POTEF: variants seen among roughly 807,000 people sequenced by gnomAD.
The protein encoded by POTEF is POTE ankyrin domain family member F.
POTEF carries 20 observed loss-of-function variants against 83.2 expected under a neutral mutation model. The observed-to-expected ratio is 0.24, with a 90% CI of 0.17 to 0.35. The LOEUF (loss-of-function observed/expected upper bound fraction) is 0.35, where lower values mean the gene tolerates loss of function less well. POTEF is among the 10% of genes least tolerant of loss of function. The pLI is 1.00. For missense variants in POTEF, 550 were observed against 1,203.2 expected (o/e 0.46, Z 8.03); for synonymous variants, 196 against 446.4 (o/e 0.44, Z 7.07).
At chr2:130,102,934 T>C (rs1002125563) in intron 8 of POTEF, among the ~76,000 whole-genome samples, 8 of 151,448 alleles carry the variant, frequency 5.3e-5, no homozygotes, top group Admixed American at 1.3e-4. Context: ...GAAATCCTCC[T>C]GTTTCACCCA....
At chr2:130,125,893 C>T (rs1165409809) in intron 2 of POTEF, among the ~76,000 whole-genome samples, 1 of 149,904 alleles carries the variant, frequency 6.7e-6, no homozygotes, top group Non-Finnish European at 1.5e-5. Context: ...GGGACAAGAG[C>T]GAGACTTCAT....
chr2:130,094,832 CCT>C (rs1271572519), intron 11 of POTEF, among the ~76,000 whole-genome samples: 1 of 59,468 alleles, frequency 1.7e-5, no homozygotes. Context: ...GTTTGCAATT[CCT>C]CTGACTCAGT....
chr2:130,100,983 A>C (rs1261394601), intron 9 of POTEF, among the ~76,000 whole-genome samples: 1 of 148,744 alleles, frequency 6.7e-6, no homozygotes, highest in Non-Finnish European at 1.5e-5. Flanking sequence ...AGCCCAATGA[A>C]GAAAAAAAAC....
intron 8 of POTEF, 171 bp downstream of exon 8, chr2:130,107,838 C>G: frequency 1.6e-6 from 1 of 617,244 alleles, no homozygotes; most frequent in Non-Finnish European, 2.8e-6. Flanking sequence ...TTATATATTA[C>G]AATGTGATAA....
Position 130,127,763 on chromosome 2 carries a change from G to A in POTEF, c.-148C>T. 6.6e-6 allele frequency: 1 copy of A among 151,564 alleles called. No homozygotes were observed. Among genetic ancestry groups the A allele is most frequent in the South Asian group, 1.9e-4 (1 of 5,218 alleles). 9.4% of individuals were successfully genotyped at this position (151,564 alleles called of 1,614,324 possible). On this transcript the variant is annotated 5_prime_UTR_variant, in exon 2 of 17. Coordinates refer to ENST00000409914, the MANE Select transcript of POTEF (RefSeq NM_001099771.2). The stretch of plus-strand genomic sequence containing the variant: ...TGCCATCAGTCACACGAGGCGAGCT[G>A]CAGAGTCACGCCACATGCAGGCTCC...
chr2:130,108,228 C>T lies in POTEF; in HGVS notation c.1056-149G>A, dbSNP rs1224900196. The T allele has an allele frequency of 1.9e-5, 25 of 1,325,968 alleles. No homozygotes were observed. In the South Asian group the frequency reaches 3.4e-4, roughly 18 times the overall value. The allele number at this position is 1,325,968 out of a possible 1,614,324, so 82.1% of individuals were successfully genotyped here. ...CCCACCCACTTGTGAGTACATTCTA[C>T]AAACTTCTCTTTAAGCTTCTAATTA... On this transcript the variant is annotated intron_variant, in intron 7 of 16. Coordinates refer to ENST00000409914, the MANE Select transcript of POTEF (RefSeq NM_001099771.2).
chr2:130,119,220 G>A, intron 3 of POTEF, among the ~76,000 whole-genome samples: 1 of 150,588 alleles, frequency 6.6e-6, no homozygotes, highest in Middle Eastern at 3.4e-3. Flanking sequence ...CTGGAGTGCA[G>A]TGGCACTATC....
intron 2 of POTEF, among the ~76,000 whole-genome samples, chr2:130,121,362 T>A (rs1459131427): frequency 6.9e-6 from 1 of 145,006 alleles, no homozygotes; most frequent in Non-Finnish European, 1.5e-5. Flanking sequence ...AACTTGAGGA[T>A]GCTGACAGCC....
intron 3 of POTEF, among the ~76,000 whole-genome samples, chr2:130,116,018 G>A (rs917985612): frequency 1.3e-5 from 2 of 152,020 alleles, no homozygotes; most frequent in Admixed American, 1.3e-4. Flanking sequence ...ACATGAAGTA[G>A]AATATGTTAT....
intron 8 of POTEF, among the ~76,000 whole-genome samples, chr2:130,102,862 CCT>C (rs979253737): frequency 6.6e-6 from 1 of 151,584 alleles, no homozygotes; most frequent in African/African-American, 2.4e-5. Context: ...TAAGCCAAGC[CCT>C]GTCTTTGTTC....
rs779035947 is a variant in POTEF at position 130,075,040 on chromosome 2, T to A, written c.2432A>T (p.Asn811Ile). 1.3e-5 allele frequency: 21 copies of A among 1,613,514 alleles called. No individual in the cohort carries two copies. Among genetic ancestry groups the A allele is most frequent in the Non-Finnish European group, 1.7e-5 (20 of 1,179,926 alleles). The change falls in exon 17 of 17, where the codon AAC becomes ATC. Residue 811 changes from asparagine to isoleucine, a missense_variant. Physicochemically the swap from Asn to Ile is moderately radical, Grantham distance 149. Transcript: ENST00000409914. ...CATCTTCTCGCGGTTGGCCTTAGGG[T>A]TCAGGGTGGCCTCGGTCAGCAGGAC... ...HPVLLTEATLNPKANREKMTQ... is the reference protein window; with the variant it reads ...HPVLLTEATLIPKANREKMTQ...
intron 11 of POTEF, among the ~76,000 whole-genome samples, chr2:130,095,025 CTT>C (rs1189045004): frequency 2.1e-4 from 23 of 107,074 alleles, no homozygotes; most frequent in South Asian, 3.1e-4. Context: ...CCATGTCAAA[CTT>C]TTTTTTTTTT....
At position 130,115,141 on chromosome 2, in the gene POTEF, G is replaced by A. The variant is rs757680263; in HGVS notation, c.636+73C>T. ...CTTTCACCAACTAGTTATATTTAAA[G>A]GAGAAAACTCATTTTTATGCCATGT... On this transcript the variant is annotated intron_variant, in intron 4 of 16. Transcript: ENST00000409914. 4 of 1,611,506 alleles carry A rather than the reference G, an allele frequency of 2.5e-6. No homozygotes were observed. The Admixed American group carries it at 5.0e-5, about 20-fold the overall frequency.
chr2:130,107,513 C>A (rs969363641), intron 8 of POTEF, among the ~76,000 whole-genome samples: 2 of 151,054 alleles, frequency 1.3e-5, no homozygotes, highest in African/African-American at 5.0e-5. Flanking sequence ...ATGAACCACA[C>A]CACACAGGAG....
In POTEF at chr2:130,116,398, C is replaced by T. The variant is rs367599347; in HGVS notation, c.522-1070G>A. On this transcript the variant is annotated intron_variant, in intron 3 of 16. Transcript: ENST00000409914. ...GTGCCAGATGTGCAGGTTTGTTACA[C>T]AGGTAAACACGTGCACCAAGGGGGT... 1.6e-4 allele frequency among the ~76,000 whole-genome samples: 24 copies of T among 147,734 alleles called. 1 individual carries two copies. The highest frequency in any genetic ancestry group is 4.1e-4 in the African/African-American group (16 of 39,084).
chr2:130,102,947 T>C (rs1684414440), intron 8 of POTEF, among the ~76,000 whole-genome samples: 1 of 151,482 alleles, frequency 6.6e-6, no homozygotes, highest in Non-Finnish European at 1.5e-5. Flanking sequence ...TTCACCCACT[T>C]GGTCTCTCCT....
At position 130,115,011 on chromosome 2, in the gene POTEF, TC is replaced by T; in HGVS notation, c.679del (p.Glu227AsnfsTer27). The T allele has an allele frequency of 2.6e-6, 4 of 1,558,160 alleles. No homozygotes were observed. Among genetic ancestry groups the T allele is most frequent in the Non-Finnish European group, 2.6e-6 (3 of 1,152,900 alleles). ...QEDECALMLL[E>X]HGTDPNIPDE... The stretch of plus-strand genomic sequence containing the variant: ...TGGAATATTTGGATCAGTGCCATGT[TC>T]CAGCAACATTAACGCACATTCATCT... On this transcript the variant is annotated frameshift_variant, in exon 5 of 17. Coordinates refer to ENST00000409914, the MANE Select transcript of POTEF (RefSeq NM_001099771.2). LOFTEE classifies it high-confidence loss of function.
chr2:130,121,969 T>C (rs1685011538), intron 2 of POTEF, among the ~76,000 whole-genome samples: 1 of 151,426 alleles, frequency 6.6e-6, no homozygotes, highest in Admixed American at 6.6e-5. Context: ...CATTCTTCCT[T>C]TAAACCTCTC....
chr2:130,113,470 T>C (rs1248635055), intron 5 of POTEF, among the ~76,000 whole-genome samples: 1 of 143,516 alleles, frequency 7.0e-6, no homozygotes. Flanking sequence ...CATTTATGTA[T>C]TGAGTGGTTC....
Sources: gnomAD v4.1 joint callset for allele counts (sites outside exome capture counted in the v4.1 genomes callset) on GRCh38, gnomAD v4.1.1 for gene constraint, MANE v1.5 for transcripts, NCBI Gene and HGNC (gene_info 2026-07-23, HGNC 2026-07-21) for gene names.